ADAM23: variants seen among roughly 807,000 people sequenced by gnomAD.
ADAM23 encodes the protein ADAM metallopeptidase domain 23.
In ADAM23, 33 loss-of-function variants were observed where a neutral mutation model predicts 120.1. The ratio of observed to expected loss-of-function variants is 0.27; its 90% CI spans 0.21 to 0.37. The LOEUF is 0.37. ADAM23 is among the 10% of genes least tolerant of loss of function. The probability of loss-of-function intolerance (pLI) is 1.00; values close to 1 mark genes in which losing one functional copy is unlikely to be tolerated. For missense variants in ADAM23, 862 were observed against 1,058.2 expected, an observed-to-expected ratio of 0.81 and a Z score of 2.57; for synonymous variants, 367 against 375.2, an observed-to-expected ratio of 0.98 and a Z score of 0.25.
At chr2:206,605,541 T>C (rs1297663478) in intron 24 of ADAM23, among the ~76,000 whole-genome samples, 2 of 152,254 alleles carry the variant, frequency 1.3e-5, no homozygotes, top group Non-Finnish European at 2.9e-5. Context: ...TTGAATTATT[T>C]ATGTATTTAT....
At chr2:206,581,737 A>G (rs987884811) in intron 18 of ADAM23, among the ~76,000 whole-genome samples, 3 of 152,148 alleles carry the variant, frequency 2.0e-5, no homozygotes, top group Admixed American at 2.0e-4. Flanking sequence ...TGTTAAGTCC[A>G]TTTGTTCCAA....
chr2:206,473,234 T>C (rs1185740321), intron 2 of ADAM23, among the ~76,000 whole-genome samples: 2 of 152,192 alleles, frequency 1.3e-5, no homozygotes, highest in African/African-American at 4.8e-5. Flanking sequence ...CAAATACTTA[T>C]TAACACTTTA....
At chr2:206,559,386 C>T (rs1697713020) in intron 10 of ADAM23, among the ~76,000 whole-genome samples, 1 of 152,174 alleles carries the variant, frequency 6.6e-6, no homozygotes, top group Non-Finnish European at 1.5e-5. Context: ...GGTGATGCCA[C>T]CCAGTGGTGA....
intron 25 of ADAM23, among the ~76,000 whole-genome samples, chr2:206,612,262 TG>T (rs1698840591): frequency 6.6e-6 from 1 of 152,314 alleles, no homozygotes; most frequent in Non-Finnish European, 1.5e-5. Flanking sequence ...AGGCTTTTGG[TG>T]CTGAATGATA....
At chr2:206,553,418 A>G (rs1211989853) in intron 9 of ADAM23, among the ~76,000 whole-genome samples, 2 of 152,192 alleles carry the variant, frequency 1.3e-5, no homozygotes, top group Non-Finnish European at 2.9e-5. Flanking sequence ...CCTGGGCGAC[A>G]GAGTGAGACT....
chr2:206,527,415 T>C (rs1417814697), intron 3 of ADAM23, among the ~76,000 whole-genome samples: 1 of 152,230 alleles, frequency 6.6e-6, no homozygotes, highest in Non-Finnish European at 1.5e-5. Flanking sequence ...CACAATCAAC[T>C]ATTCCCTTCT....
intron 18 of ADAM23, among the ~76,000 whole-genome samples, chr2:206,575,512 C>T (rs967821686): frequency 1.3e-5 from 2 of 152,048 alleles, no homozygotes; most frequent in African/African-American, 4.8e-5. Flanking sequence ...GTTTCTTGTT[C>T]AGGGTTAGCT....
At chr2:206,475,858 A>T (rs1289019442) in intron 2 of ADAM23, among the ~76,000 whole-genome samples, 3 of 152,172 alleles carry the variant, frequency 2.0e-5, no homozygotes, top group Non-Finnish European at 4.4e-5. Flanking sequence ...TGAAGGGTCT[A>T]TTGAAAAACT....
intron 2 of ADAM23, among the ~76,000 whole-genome samples, chr2:206,455,130 C>T (rs1024087526): frequency 1.3e-5 from 2 of 152,242 alleles, no homozygotes; most frequent in African/African-American, 4.8e-5. Context: ...CAGATTTCTG[C>T]CTGGATAGCC....
At chr2:206,586,324 A>G (rs1450116276) in intron 18 of ADAM23, among the ~76,000 whole-genome samples, 1 of 152,172 alleles carries the variant, frequency 6.6e-6, no homozygotes, top group Non-Finnish European at 1.5e-5. Context: ...GTGGGAGGCT[A>G]TTACAGTAAT....
chr2:206,578,484 A>G (rs1186371012), intron 18 of ADAM23, among the ~76,000 whole-genome samples: 1 of 152,146 alleles, frequency 6.6e-6, no homozygotes, highest in Non-Finnish European at 1.5e-5. Context: ...CACTTAGAAT[A>G]ATAGTCTCCA....
Position 206,571,819 on chromosome 2 carries a change from G to T in ADAM23, c.1656+3G>T. On this transcript the variant is annotated splice_donor_region_variant and intron_variant, in intron 17 of 25. Transcript: ENST00000264377. ...GCTGTAACAATACCTCATGTCTTGT[G>T]AGTTTTCTGACAGTTTCATCTTTCT... The T allele has an allele frequency of 6.2e-7, 1 of 1,611,910 alleles. No homozygotes were observed. The highest frequency in any genetic ancestry group is 1.1e-5 in the South Asian group (1 of 91,030).
chr2:206,467,638 G>A (rs1399944826), intron 2 of ADAM23, among the ~76,000 whole-genome samples: 1 of 152,180 alleles, frequency 6.6e-6, no homozygotes, highest in East Asian at 1.9e-4. Flanking sequence ...GCAAGCTGCT[G>A]GTGGATGTAC....
intron 9 of ADAM23, among the ~76,000 whole-genome samples, chr2:206,556,199 TATTA>T (rs200376486): frequency 2.6e-5 from 4 of 152,014 alleles, no homozygotes; most frequent in South Asian, 2.1e-4. Flanking sequence ...AATAGCAGAA[TATTA>T]ATTTATTTAG....
intron 25 of ADAM23, among the ~76,000 whole-genome samples, chr2:206,615,074 A>C (rs1698910077): frequency 6.6e-6 from 1 of 152,224 alleles, no homozygotes; most frequent in African/African-American, 2.4e-5. Flanking sequence ...AGAATGTGCT[A>C]ACCATGGATA....
At chr2:206,612,165 A>T (rs558119297) in intron 25 of ADAM23, among the ~76,000 whole-genome samples, 6 of 152,334 alleles carry the variant, frequency 3.9e-5, no homozygotes, top group African/African-American at 1.4e-4. Context: ...GTTGGTTGCT[A>T]CATGAGGACC....
intron 3 of ADAM23, among the ~76,000 whole-genome samples, chr2:206,508,474 G>C (rs939326553): frequency 2.0e-5 from 3 of 151,328 alleles, no homozygotes; most frequent in African/African-American, 7.3e-5. Context: ...TGGCCAACAT[G>C]GGGAAACCCC....
intron 24 of ADAM23, among the ~76,000 whole-genome samples, chr2:206,608,659 C>T (rs1698773603): frequency 6.6e-6 from 1 of 151,910 alleles, no homozygotes; most frequent in Non-Finnish European, 1.5e-5. Flanking sequence ...GTCACAAGCC[C>T]AGGAGCCTAA....
At chr2:206,561,791 T>C (rs1202401688) in intron 12 of ADAM23, among the ~76,000 whole-genome samples, 3 of 152,200 alleles carry the variant, frequency 2.0e-5, no homozygotes, top group Admixed American at 6.5e-5. Context: ...TACTGAAATA[T>C]ATTATACCAG....
Sources: gnomAD v4.1 joint callset for allele counts (sites outside exome capture counted in the v4.1 genomes callset) on GRCh38, gnomAD v4.1.1 for gene constraint, MANE v1.5 for transcripts, NCBI Gene and HGNC (gene_info 2026-07-23, HGNC 2026-07-21) for gene names.